The following SRGAP2C variants were observed in gnomAD, a reference collection of about 807,000 sequenced individuals.
SRGAP2C encodes the protein SLIT-ROBO Rho GTPase-activating protein 2C.
A neutral mutation model predicts 25.1 loss-of-function variants in SRGAP2C; 15 were observed. The observed-to-expected ratio is 0.60, with a 90% confidence interval of 0.40 to 0.92. The LOEUF is 0.92. Ranked by LOEUF, SRGAP2C falls within the 40% of genes least tolerant of loss-of-function variation. The pLI, the probability that SRGAP2C is intolerant of heterozygous loss-of-function variation, is 0.00. For synonymous variants in SRGAP2C, 44 were observed against 96.6 expected, an observed-to-expected ratio of 0.46 and a Z score of 3.19; for missense variants, 144 against 264.4, an observed-to-expected ratio of 0.54 and a Z score of 3.16.
intron 3 of SRGAP2C, among the ~76,000 whole-genome samples, chr1:121,305,101 CT>C (rs1657799115): frequency 6.8e-6 from 1 of 147,978 alleles, no homozygotes; most frequent in African/African-American, 2.5e-5. Context: ...AGCAAGCCAT[CT>C]TATGGATTGA....
chr1:121,191,155 T>A (rs1210845838), intron 2 of SRGAP2C, among the ~76,000 whole-genome samples: 2 of 151,762 alleles, frequency 1.3e-5, no homozygotes, highest in African/African-American at 4.8e-5. Flanking sequence ...TACATTATGC[T>A]TTCATATGTA....
chr1:121,199,645 G>T (rs1244164399), intron 2 of SRGAP2C, among the ~76,000 whole-genome samples: 1 of 81,620 alleles, frequency 1.2e-5, no homozygotes, highest in Non-Finnish European at 2.4e-5. Context: ...ACAAAAATTA[G>T]CTGGGCATGG....
Position 121,324,465 on chromosome 1 carries a change from T to C in SRGAP2C, c.261-13T>C, listed in dbSNP as rs1288284188. ...ATCAACAATGACTTCTTTTCCTTGA[T>C]GTTTCTTCACAGGAAGGATCAGAAT... On this transcript the variant is annotated splice_polypyrimidine_tract_variant and intron_variant, in intron 3 of 9. Coordinates refer to ENST00000367123, the MANE Select transcript of SRGAP2C (RefSeq NM_001329984.2). 6.8e-6 allele frequency: 11 copies of C among 1,609,734 alleles called. No individual in the cohort carries two copies. In the Admixed American group the frequency reaches 1.8e-4, roughly 27 times the overall value.
At chr1:121,207,288 AGG>A (rs1166560980) in intron 2 of SRGAP2C, among the ~76,000 whole-genome samples, 1 of 152,068 alleles carries the variant, frequency 6.6e-6, no homozygotes, top group African/African-American at 2.4e-5. Context: ...TGTGCCCTGT[AGG>A]GAAAGAGCAC....
chr1:121,265,925 T>C (rs1656765626), intron 2 of SRGAP2C, among the ~76,000 whole-genome samples: 1 of 151,552 alleles, frequency 6.6e-6, no homozygotes, highest in East Asian at 1.9e-4. Flanking sequence ...GACAATTGGG[T>C]TTTATCAATG....
At chr1:121,208,084 C>G (rs1184163815) in intron 2 of SRGAP2C, among the ~76,000 whole-genome samples, 1 of 152,004 alleles carries the variant, frequency 6.6e-6, no homozygotes, top group East Asian at 1.9e-4. Flanking sequence ...CTAGGAGTTG[C>G]TGTGTTGACT....
chr1:121,272,554 G>T (rs1252767121), intron 2 of SRGAP2C, among the ~76,000 whole-genome samples: 4 of 151,850 alleles, frequency 2.6e-5, no homozygotes, highest in Non-Finnish European at 4.4e-5. Context: ...TTAAGACAGC[G>T]AGAATGAGGA....
chr1:121,188,814 T>C (rs1423402592), intron 2 of SRGAP2C, among the ~76,000 whole-genome samples: 1 of 147,060 alleles, frequency 6.8e-6, no homozygotes, highest in Non-Finnish European at 1.5e-5. Flanking sequence ...TTTACGTCAT[T>C]AGTTTGGTCA....
chr1:121,371,057 G>T (rs1333242756), intron 5 of SRGAP2C, among the ~76,000 whole-genome samples: 2 of 152,012 alleles, frequency 1.3e-5, no homozygotes, highest in Admixed American at 1.3e-4. Flanking sequence ...TCAAAGTAAA[G>T]TGGAATATTC....
rs1335355126 is a variant in SRGAP2C at position 121,328,491 on chromosome 1, A to G, written c.423+3851A>G. Among the ~76,000 whole-genome samples the G allele has an allele frequency of 2.6e-5, 4 of 152,254 alleles. No individual in the cohort carries two copies. The East Asian group carries it at 7.7e-4, about 29-fold the overall frequency. On this transcript the variant is annotated intron_variant, in intron 4 of 9. Transcript: ENST00000367123. ...CCAGGTATCATGTTAAGCACTTTAT[A>G]TGTATTATCTCCTTTAATCCTTACC...
chr1:121,243,966 G>A (rs1300993884), intron 2 of SRGAP2C, among the ~76,000 whole-genome samples: 10 of 147,432 alleles, frequency 6.8e-5, no homozygotes, highest in Non-Finnish European at 4.5e-5. Context: ...AGTAAATCAA[G>A]AGGGCTGCCT....
intron 6 of SRGAP2C, 126 bp from the exon 7 acceptor site, chr1:121,374,700 T>G (rs1659590711): frequency 1.6e-6 from 1 of 617,022 alleles, no homozygotes. Context: ...GAACCCAATT[T>G]AAGGCAGATG....
At chr1:121,226,159 T>A (rs1220031241) in intron 2 of SRGAP2C, among the ~76,000 whole-genome samples, 36 of 144,414 alleles carry the variant, frequency 2.5e-4, no homozygotes, top group Admixed American at 7.0e-4. Context: ...GGAAAAAAAA[T>A]TTGTTTTTGT....
intron 3 of SRGAP2C, among the ~76,000 whole-genome samples, chr1:121,308,352 T>C (rs1255137110): frequency 1.3e-5 from 2 of 151,016 alleles, no homozygotes; most frequent in East Asian, 2.0e-4. Context: ...TCCATGATTC[T>C]ATTTTTGTAC....
At chr1:121,351,696 G>A (rs1658912676) in intron 4 of SRGAP2C, among the ~76,000 whole-genome samples, 1 of 149,588 alleles carries the variant, frequency 6.7e-6, no homozygotes, top group Non-Finnish European at 1.5e-5. Flanking sequence ...GTGATTTATG[G>A]AACAAACTTA....
At chr1:121,321,948 A>G (rs1658214692) in intron 3 of SRGAP2C, among the ~76,000 whole-genome samples, 5 of 151,728 alleles carry the variant, frequency 3.3e-5, no homozygotes, top group Admixed American at 3.3e-4. Context: ...CCACCATTAA[A>G]GTTCTACTTT....
intron 3 of SRGAP2C, among the ~76,000 whole-genome samples, chr1:121,323,435 G>A (rs1453288554): frequency 2.7e-5 from 4 of 150,942 alleles, no homozygotes; most frequent in Admixed American, 2.0e-4. Context: ...GGTCAACATG[G>A]TGAAAACCCA....
chr1:121,307,825 TAGAG>T (rs1657878806), intron 3 of SRGAP2C, among the ~76,000 whole-genome samples: 1 of 151,180 alleles, frequency 6.6e-6, no homozygotes. Context: ...GGCCACAGAA[TAGAG>T]AGAGTGAAGG....
At chr1:121,379,184 G>A (rs1345177632) in intron 7 of SRGAP2C, among the ~76,000 whole-genome samples, 2 of 152,220 alleles carry the variant, frequency 1.3e-5, no homozygotes, top group African/African-American at 4.8e-5. Flanking sequence ...TGTCATTAAG[G>A]ACAGTTATTT....
Sources: allele counts gnomAD v4.1 joint callset (sites outside exome capture counted in the v4.1 genomes callset), GRCh38; gene constraint gnomAD v4.1.1; transcripts MANE v1.5; gene names NCBI Gene and HGNC (gene_info 2026-07-23, HGNC 2026-07-21).